Variants in KSR2 observed in about 807,000 individuals in gnomAD.
KSR2 encodes kinase suppressor of ras 2.
KSR2 carries 25 observed loss-of-function variants against 107.8 expected under a neutral mutation model. That is an observed-to-expected ratio of 0.23 (90% confidence interval 0.17 to 0.32). The LOEUF (loss-of-function observed/expected upper bound fraction) is 0.32, where lower values mean the gene tolerates loss of function less well. KSR2 is among the 10% of genes least tolerant of loss of function. The pLI is 1.00. For synonymous variants in KSR2, 480 were observed against 507.0 expected (o/e 0.95, Z 0.71); for missense variants, 887 against 1,268.9 (o/e 0.70, Z 4.57).
intron 5 of KSR2, among the ~76,000 whole-genome samples, chr12:117,640,292 T>C (rs2393244): frequency 0.17 from 25,094 of 151,736 alleles, 2,159 homozygotes; most frequent in Middle Eastern, 0.23. Flanking sequence ...GCTCTGTCAC[T>C]CAGGCTGGAG....
intron 5 of KSR2, among the ~76,000 whole-genome samples, chr12:117,646,790 G>C (rs1883667537): frequency 6.6e-6 from 1 of 152,122 alleles, no homozygotes; most frequent in African/African-American, 2.4e-5. Context: ...AGAGACAGAT[G>C]CTCTGACTTC....
chr12:117,522,423 A>C (rs1874815465), intron 14 of KSR2, among the ~76,000 whole-genome samples: 1 of 152,112 alleles, frequency 6.6e-6, no homozygotes, highest in African/African-American at 2.4e-5. Flanking sequence ...GGTGGGGAAA[A>C]GACCACCCTC....
intron 4 of KSR2, among the ~76,000 whole-genome samples, chr12:117,732,609 A>G (rs1044748636): frequency 2.0e-5 from 3 of 152,132 alleles, no homozygotes; most frequent in Non-Finnish European, 4.4e-5. Flanking sequence ...ACTGAGCAGC[A>G]CTTAGAAAGT....
chr12:117,952,858 AC>A (rs1896401976), intron 1 of KSR2, among the ~76,000 whole-genome samples: 1 of 151,376 alleles, frequency 6.6e-6, no homozygotes, highest in South Asian at 2.1e-4. Context: ...GGTGGCGCAC[AC>A]CTGTGATTCC....
At position 117,538,551 on chromosome 12, in the gene KSR2, CAT is replaced by C. The variant is rs1348953421; in HGVS notation, c.1687+1166_1687+1167del. ...GTGGCCAAGGACCTGGGATTTTTTTCATAGTGTGAAGCTTGTTGACTCAGGAG... is the reference window on the plus strand; with the variant it reads ...GTGGCCAAGGACCTGGGATTTTTTTCAGTGTGAAGCTTGTTGACTCAGGAG... On this transcript the variant is annotated intron_variant, in intron 10 of 19. Coordinates refer to ENST00000339824, the MANE Select transcript of KSR2 (RefSeq NM_173598.6). Among the ~76,000 whole-genome samples the C allele has an allele frequency of 2.0e-5, 3 of 152,032 alleles. No homozygotes were observed. The East Asian group carries it at 5.8e-4, about 29-fold the overall frequency.
intron 4 of KSR2, among the ~76,000 whole-genome samples, chr12:117,738,082 C>A (rs1350674931): frequency 1.3e-5 from 2 of 152,124 alleles, no homozygotes; most frequent in Non-Finnish European, 1.5e-5. Flanking sequence ...GGGCAGAAGA[C>A]AACACTATCC....
At chr12:117,676,261 T>C (rs546724808) in intron 4 of KSR2, among the ~76,000 whole-genome samples, 1 of 152,280 alleles carries the variant, frequency 6.6e-6, no homozygotes, top group East Asian at 1.9e-4. Flanking sequence ...ATGGCATTAA[T>C]CAACCAGCGT....
intron 5 of KSR2, among the ~76,000 whole-genome samples, chr12:117,656,647 A>G (rs1884170054): frequency 6.6e-6 from 1 of 152,140 alleles, no homozygotes; most frequent in Non-Finnish European, 1.5e-5. Flanking sequence ...GGGCTAGGGA[A>G]GGCAGATCCA....
At chr12:117,925,884 G>A (rs938838258) in intron 1 of KSR2, among the ~76,000 whole-genome samples, 2 of 152,128 alleles carry the variant, frequency 1.3e-5, no homozygotes, top group Non-Finnish European at 2.9e-5. Context: ...CAAAGTAATG[G>A]GTGCCTATGG....
intron 4 of KSR2, among the ~76,000 whole-genome samples, chr12:117,671,864 C>G (rs980531297): frequency 6.6e-6 from 1 of 152,006 alleles, no homozygotes; most frequent in Non-Finnish European, 1.5e-5. Flanking sequence ...GCACAGCCTC[C>G]TTGCAGATTT....
chr12:117,565,629 C>T (rs1878437021), intron 7 of KSR2, among the ~76,000 whole-genome samples: 1 of 152,098 alleles, frequency 6.6e-6, no homozygotes, highest in African/African-American at 2.4e-5. Flanking sequence ...ATAATTATTT[C>T]CCTTTACCAT....
At chr12:117,879,822 A>G (rs1392304092) in intron 1 of KSR2, among the ~76,000 whole-genome samples, 1 of 152,280 alleles carries the variant, frequency 6.6e-6, no homozygotes, top group East Asian at 1.9e-4. Context: ...CACATTATAT[A>G]AAATCTCCTT....
chr12:117,716,137 T>C (rs1250903248), intron 4 of KSR2, among the ~76,000 whole-genome samples: 1 of 152,262 alleles, frequency 6.6e-6, no homozygotes, highest in East Asian at 1.9e-4. Context: ...TACTTCCTTG[T>C]AAATTTGTTT....
chr12:117,466,995 G>A lies in KSR2; in HGVS notation c.*204C>T, dbSNP rs1036809676. 1.9e-5 allele frequency: 9 copies of A among 470,046 alleles called. No individual in the cohort carries two copies. The highest frequency in any genetic ancestry group is 8.2e-5 in the Admixed American group (2 of 24,284). The allele number at this position is 470,046 out of a possible 1,614,324, so 29.1% of individuals were successfully genotyped here. On this transcript the variant is annotated 3_prime_UTR_variant, in exon 20 of 20. Coordinates refer to ENST00000339824, the MANE Select transcript of KSR2 (RefSeq NM_173598.6). ...GGCTGGTCCGGTTCAGTCCTAGCTCGGGGGTCCCCAACCCTGCCCGAGGAA... is the reference window on the plus strand; with the variant it reads ...GGCTGGTCCGGTTCAGTCCTAGCTCAGGGGTCCCCAACCCTGCCCGAGGAA...
chr12:117,688,425 A>G (rs1402929713), intron 4 of KSR2, among the ~76,000 whole-genome samples: 1 of 152,140 alleles, frequency 6.6e-6, no homozygotes, highest in Non-Finnish European at 1.5e-5. Context: ...CAGACTAAGT[A>G]CCCGCAACTC....
At chr12:117,940,685 A>G (rs1177154527) in intron 1 of KSR2, among the ~76,000 whole-genome samples, 2 of 152,252 alleles carry the variant, frequency 1.3e-5, no homozygotes, top group African/African-American at 4.8e-5. Flanking sequence ...TTTTTAAGGA[A>G]TATGGCAAAG....
intron 4 of KSR2, among the ~76,000 whole-genome samples, chr12:117,743,396 A>G (rs545168157): frequency 2.6e-5 from 4 of 152,372 alleles, no homozygotes; most frequent in South Asian, 2.1e-4. Flanking sequence ...TGGGAAGACC[A>G]TAAGTATGGA....
chr12:117,578,660 G>A (rs1214960484), intron 7 of KSR2, among the ~76,000 whole-genome samples: 1 of 151,228 alleles, frequency 6.6e-6, no homozygotes, highest in African/African-American at 2.4e-5. Context: ...TTCTAACTCA[G>A]GGATCAGCAA....
intron 5 of KSR2, among the ~76,000 whole-genome samples, chr12:117,587,805 G>A (rs966416750): frequency 3.9e-5 from 6 of 152,164 alleles, no homozygotes; most frequent in African/African-American, 9.7e-5. Flanking sequence ...TGGGAGCCCC[G>A]ATGTGCGTTA....
Sources: gnomAD v4.1 joint callset for allele counts (sites outside exome capture counted in the v4.1 genomes callset) on GRCh38, gnomAD v4.1.1 for gene constraint, MANE v1.5 for transcripts, NCBI Gene and HGNC (gene_info 2026-07-23, HGNC 2026-07-21) for gene names.